Variants in TIMP2 observed in about 807,000 individuals in gnomAD.
The protein encoded by TIMP2 is TIMP metallopeptidase inhibitor 2.
Under a neutral mutation model 24.3 loss-of-function variants are expected in TIMP2, and 5 were observed. The observed-to-expected ratio is 0.21, with a 90% CI of 0.11 to 0.43. The LOEUF (loss-of-function observed/expected upper bound fraction) is 0.43, where lower values mean the gene tolerates loss of function less well. TIMP2 is among the 20% of genes least tolerant of loss of function. The probability of loss-of-function intolerance (pLI) is 1.00; values close to 1 mark genes in which losing one functional copy is unlikely to be tolerated. For missense variants in TIMP2, 221 were observed against 297.5 expected (o/e 0.74, Z 1.89); for synonymous variants, 130 against 123.2 (o/e 1.06, Z -0.37).
intron 1 of TIMP2, among the ~76,000 whole-genome samples, chr17:78,909,473 C>A (rs1248767531): frequency 6.8e-6 from 1 of 147,984 alleles, no homozygotes; most frequent in Non-Finnish European, 1.5e-5. Flanking sequence ...CCACGAATGA[C>A]CCCCCCACCC....
rs751882466 is a variant in TIMP2 at position 78,913,079 on chromosome 17, GA to G, written c.130+11879del. ...AATTAGCCGGGTGTGGTGGCAAAAA[GA>G]AAAAAAAATATTTACAACAACAGGC... On this transcript the variant is annotated intron_variant, in intron 1 of 4. Coordinates refer to ENST00000262768, the MANE Select transcript of TIMP2 (RefSeq NM_003255.5). Among the ~76,000 whole-genome samples, 14 of 151,120 alleles carry G rather than the reference GA, an allele frequency of 9.3e-5. 2 individuals carry two copies. The highest frequency in any genetic ancestry group is 1.9e-4 in the East Asian group (1 of 5,148).
Position 78,920,579 on chromosome 17 carries a change from G to A in TIMP2, c.130+4380C>T, listed in dbSNP as rs1335712664. On this transcript the variant is annotated intron_variant, in intron 1 of 4. Coordinates refer to ENST00000262768, the MANE Select transcript of TIMP2 (RefSeq NM_003255.5). This position sits in a 1 kb window ranked among gnomAD's most constrained non-coding sequence, Gnocchi z 4.5. ...TGACAGATCCTGTCCCTCCAAGGAC[G>A]CTGTTCAAAACCAAGCCGAAGAGCC... Among the ~76,000 whole-genome samples, 1 of 152,172 alleles carries A rather than the reference G, an allele frequency of 6.6e-6. No individual in the cohort carries two copies. The highest frequency in any genetic ancestry group is 6.5e-5 in the Admixed American group (1 of 15,268).
intron 1 of TIMP2, chr17:78,892,474 G>A (rs1208952443): frequency 6.5e-7 from 1 of 1,538,320 alleles, no homozygotes; most frequent in Non-Finnish European, 8.8e-7. Context: ...GAGGAAGGGA[G>A]CACAAGTGCA....
At chr17:78,912,037 C>G (rs1322127873) in intron 1 of TIMP2, among the ~76,000 whole-genome samples, 2 of 152,010 alleles carry the variant, frequency 1.3e-5, no homozygotes, top group Non-Finnish European at 2.9e-5. Flanking sequence ...GCACTCCAGC[C>G]TGGACAACAG....
chr17:78,869,389 T>G (rs1164221637), intron 3 of TIMP2, among the ~76,000 whole-genome samples: 1 of 146,208 alleles, frequency 6.8e-6, no homozygotes, highest in Non-Finnish European at 1.5e-5. Flanking sequence ...CACTCCAGCC[T>G]GGGAAACAGA....
intron 1 of TIMP2, among the ~76,000 whole-genome samples, chr17:78,878,370 A>C (rs1299795123): frequency 6.6e-6 from 1 of 152,190 alleles, no homozygotes; most frequent in Non-Finnish European, 1.5e-5. Context: ...TGACTGTTAG[A>C]GGGGCTGGTG....
intron 2 of TIMP2, among the ~76,000 whole-genome samples, chr17:78,871,730 C>T (rs2069687164): frequency 6.6e-6 from 1 of 151,568 alleles, no homozygotes; most frequent in Non-Finnish European, 1.5e-5. Flanking sequence ...CCTGTAGTCC[C>T]AGCTACTCGG....
At chr17:78,909,761 T>G (rs1270354051) in intron 1 of TIMP2, among the ~76,000 whole-genome samples, 2 of 152,126 alleles carry the variant, frequency 1.3e-5, no homozygotes, top group African/African-American at 4.8e-5. Flanking sequence ...TAGCCGGCCT[T>G]GCTGGCACTC....
intron 1 of TIMP2, among the ~76,000 whole-genome samples, chr17:78,876,570 G>A (rs1187240790): frequency 6.6e-6 from 1 of 152,092 alleles, no homozygotes; most frequent in Non-Finnish European, 1.5e-5. Context: ...AGGCTGGAGT[G>A]CAATGGCTTG....
chr17:78,912,252 C>T (rs1456967588), intron 1 of TIMP2, among the ~76,000 whole-genome samples: 1 of 152,182 alleles, frequency 6.6e-6, no homozygotes, highest in East Asian at 1.9e-4. Context: ...TCCATTTCCT[C>T]ATTCTGTCCT....
At chr17:78,907,070 G>A (rs116156612) in intron 1 of TIMP2, among the ~76,000 whole-genome samples, 1 of 151,916 alleles carries the variant, frequency 6.6e-6, no homozygotes, top group Non-Finnish European at 1.5e-5. Context: ...GTCTCGCTCT[G>A]TCTGTCAAGC....
At chr17:78,879,738 G>A (rs1282865859) in intron 1 of TIMP2, among the ~76,000 whole-genome samples, 1 of 152,186 alleles carries the variant, frequency 6.6e-6, no homozygotes, top group East Asian at 1.9e-4. Context: ...GATCAAGGGT[G>A]ATACACTGGC....
intron 1 of TIMP2, among the ~76,000 whole-genome samples, chr17:78,893,457 A>G (rs1400387945): frequency 8.7e-5 from 8 of 92,468 alleles, no homozygotes; most frequent in African/African-American, 2.7e-4. Context: ...CTGTGTGTGC[A>G]GGGGTGTGTG....
chr17:78,876,464 T>C (rs2069729022), intron 1 of TIMP2, among the ~76,000 whole-genome samples: 1 of 152,054 alleles, frequency 6.6e-6, no homozygotes, highest in African/African-American at 2.4e-5. Context: ...TCTCCTGCCT[T>C]AGCTTCCCAG....
intron 1 of TIMP2, among the ~76,000 whole-genome samples, chr17:78,921,879 G>A (rs536403986): frequency 1.3e-5 from 2 of 152,272 alleles, no homozygotes; most frequent in South Asian, 2.1e-4. Context: ...ATCCTCAGCC[G>A]GGCAGACAGA....
chr17:78,863,791 C>T (rs1020454397), intron 3 of TIMP2, among the ~76,000 whole-genome samples: 3 of 152,102 alleles, frequency 2.0e-5, no homozygotes, highest in Non-Finnish European at 4.4e-5. Context: ...TTATCAGCTA[C>T]CCTTGAGTGG....
At chr17:78,879,122 G>A (rs888827315) in intron 1 of TIMP2, among the ~76,000 whole-genome samples, 1 of 152,226 alleles carries the variant, frequency 6.6e-6, no homozygotes. Context: ...GGTGAAGAGA[G>A]GGTACAGGGT....
chr17:78,862,283 T>C (rs972122844), intron 3 of TIMP2, among the ~76,000 whole-genome samples: 1 of 152,218 alleles, frequency 6.6e-6, no homozygotes, highest in Admixed American at 6.5e-5. Flanking sequence ...GATTTCTGGT[T>C]AGCCCCTGGA....
intron 1 of TIMP2, chr17:78,890,786 G>A (rs2069877058): frequency 3.9e-6 from 6 of 1,550,658 alleles, no homozygotes; most frequent in African/African-American, 1.4e-5. Context: ...GCCCGATGGG[G>A]AAGTGGTGCT....
Sources: allele counts gnomAD v4.1 joint callset (sites outside exome capture counted in the v4.1 genomes callset), GRCh38; gene constraint gnomAD v4.1.1; non-coding constraint Gnocchi (gnomAD v3.1); transcripts MANE v1.5; gene names NCBI Gene and HGNC (gene_info 2026-07-23, HGNC 2026-07-21).